CHODL: variants seen among roughly 807,000 people sequenced by gnomAD.
CHODL encodes the protein chondrolectin.
Under a neutral mutation model 34.5 loss-of-function variants are expected in CHODL, and 29 were observed. The observed-to-expected ratio is 0.84, with a 90% confidence interval of 0.63 to 1.15. The LOEUF (loss-of-function observed/expected upper bound fraction) is 1.15. Ranked by LOEUF, CHODL falls within the 50% of genes most tolerant of loss-of-function variation. The probability of loss-of-function intolerance (pLI) is 0.00; values close to 1 mark genes in which losing one functional copy is unlikely to be tolerated. For synonymous variants in CHODL, 125 were observed against 116.1 expected, an observed-to-expected ratio of 1.08 and a Z score of -0.49; for missense variants, 332 against 332.5, an observed-to-expected ratio of 1.00 and a Z score of 0.01.
At chr21:18,070,914 T>C (rs1350764974) in intron 2 of CHODL, among the ~76,000 whole-genome samples, 2 of 151,990 alleles carry the variant, frequency 1.3e-5, no homozygotes, top group Admixed American at 1.3e-4. Context: ...ACTCCAATTA[T>C]GTTCTCTTCC....
chr21:18,094,398 G>A (rs2065112508), intron 2 of CHODL, among the ~76,000 whole-genome samples: 2 of 152,014 alleles, frequency 1.3e-5, no homozygotes. Flanking sequence ...TTATCCAATG[G>A]CTACAGAATA....
intron 2 of CHODL, among the ~76,000 whole-genome samples, chr21:18,187,769 G>A (rs565580436): frequency 6.6e-6 from 1 of 152,080 alleles, no homozygotes; most frequent in Admixed American, 6.6e-5. Context: ...CATCTCTGCT[G>A]CCCTTTTATC....
intron 2 of CHODL, among the ~76,000 whole-genome samples, chr21:18,223,715 G>C (rs1234063199): frequency 6.6e-6 from 1 of 152,036 alleles, no homozygotes; most frequent in East Asian, 1.9e-4. Context: ...TTAAAAAAAG[G>C]AGAAAGGCTA....
At chr21:18,171,898 C>T (rs1380941732) in intron 2 of CHODL, among the ~76,000 whole-genome samples, 2 of 152,102 alleles carry the variant, frequency 1.3e-5, no homozygotes, top group Non-Finnish European at 1.5e-5. Context: ...AGTATGTCTC[C>T]TTCCTTATTC....
intron 1 of CHODL, among the ~76,000 whole-genome samples, chr21:18,010,297 CA>C (rs71189576): frequency 0.017 from 668 of 38,728 alleles, 1 homozygote; most frequent in African/African-American, 0.063. Flanking sequence ...ACTCCCGTCT[CA>C]AAAAAAAAAA....
chr21:18,164,463 G>GT (rs1001509212), intron 2 of CHODL, among the ~76,000 whole-genome samples: 22 of 152,168 alleles, frequency 1.4e-4, no homozygotes, highest in South Asian at 2.1e-4. Flanking sequence ...GTCAACTTCA[G>GT]TTTTTTTTAT....
At chr21:18,099,129 A>G (rs1322542215) in intron 2 of CHODL, among the ~76,000 whole-genome samples, 1 of 151,988 alleles carries the variant, frequency 6.6e-6, no homozygotes, top group African/African-American at 2.4e-5. Context: ...TTAGTGGATA[A>G]AAAAAGATGG....
chr21:18,138,706 C>T (rs945778637), intron 2 of CHODL, among the ~76,000 whole-genome samples: 16 of 152,102 alleles, frequency 1.1e-4, no homozygotes, highest in Admixed American at 6.5e-4. Flanking sequence ...CTGCAGCCAG[C>T]GACTTATTAG....
At chr21:17,935,608 C>G (rs2063313057) in intron 1 of CHODL, among the ~76,000 whole-genome samples, 1 of 152,106 alleles carries the variant, frequency 6.6e-6, no homozygotes, top group Non-Finnish European at 1.5e-5. Context: ...TAACAAAATA[C>G]ATTCAATATA....
At chr21:18,171,503 G>C (rs547607763) in intron 2 of CHODL, among the ~76,000 whole-genome samples, 13 of 151,928 alleles carry the variant, frequency 8.6e-5, no homozygotes, top group Non-Finnish European at 1.3e-4. Flanking sequence ...CACCGCGCCC[G>C]GCCTTCTTTA....
chr21:18,249,689 G>T (rs2074211920), intron 1 of CHODL, among the ~76,000 whole-genome samples: 1 of 152,104 alleles, frequency 6.6e-6, no homozygotes, highest in African/African-American at 2.4e-5. Flanking sequence ...ATAGAAACCT[G>T]GTAAAAGCAT....
chr21:18,125,194 T>G (rs1444929317), intron 2 of CHODL, among the ~76,000 whole-genome samples: 3 of 152,230 alleles, frequency 2.0e-5, no homozygotes, highest in Non-Finnish European at 4.4e-5. Flanking sequence ...TTTAGAGCAC[T>G]GCTATAAGGA....
intron 2 of CHODL, among the ~76,000 whole-genome samples, chr21:18,058,103 A>G (rs1415415126): frequency 6.6e-6 from 1 of 152,086 alleles, no homozygotes; most frequent in Non-Finnish European, 1.5e-5. Context: ...TGTATTCATT[A>G]CCCAACTTCT....
intron 2 of CHODL, among the ~76,000 whole-genome samples, chr21:18,235,736 G>A (rs1467985964): frequency 6.6e-6 from 1 of 151,988 alleles, no homozygotes; most frequent in Non-Finnish European, 1.5e-5. Context: ...AATAGCATTT[G>A]GTTGCTATGA....
chr21:18,090,711 C>A (rs1323076183), intron 2 of CHODL, among the ~76,000 whole-genome samples: 1 of 118,728 alleles, frequency 8.4e-6, no homozygotes. Flanking sequence ...CAGAAACTTG[C>A]TATTATAATT....
intron 1 of CHODL, among the ~76,000 whole-genome samples, chr21:17,947,105 A>G (rs2063416656): frequency 6.6e-6 from 1 of 152,122 alleles, no homozygotes; most frequent in African/African-American, 2.4e-5. Flanking sequence ...ATCATCTATT[A>G]GACCACAAAA....
At chr21:18,190,069 ATTAT>A (rs974255005) in intron 2 of CHODL, among the ~76,000 whole-genome samples, 1 of 152,204 alleles carries the variant, frequency 6.6e-6, no homozygotes, top group African/African-American at 2.4e-5. Context: ...TAAGTTAGAA[ATTAT>A]TTATGTCATG....
At chr21:18,165,156 C>T (rs1290093730) in intron 2 of CHODL, among the ~76,000 whole-genome samples, 5 of 152,172 alleles carry the variant, frequency 3.3e-5, no homozygotes, top group African/African-American at 7.2e-5. Context: ...GAAACAAAAA[C>T]GCCTCCAGAC....
intron 2 of CHODL, among the ~76,000 whole-genome samples, chr21:18,057,015 A>G (rs1187763649): frequency 6.6e-6 from 1 of 152,104 alleles, no homozygotes; most frequent in African/African-American, 2.4e-5. Context: ...ACTGCAATGT[A>G]GAGTTTTACT....
Sources: gnomAD v4.1 joint callset for allele counts (sites outside exome capture counted in the v4.1 genomes callset) on GRCh38, gnomAD v4.1.1 for gene constraint, MANE v1.5 for transcripts, NCBI Gene and HGNC (gene_info 2026-07-23, HGNC 2026-07-21) for gene names.